SMARCB1: variants seen among roughly 807,000 people sequenced by gnomAD.
The protein encoded by SMARCB1 is SWI/SNF related BAF chromatin remodeling complex subunit B1, also known as SWI/SNF-related matrix-associated actin-dependent regulator of chromatin subfamily B member 1.
SMARCB1 carries 5 observed loss-of-function variants against 49.0 expected under a neutral mutation model. That is an observed-to-expected ratio of 0.10 (90% CI 0.05 to 0.21). SMARCB1 has a LOEUF of 0.21. SMARCB1 is among the 10% of genes least tolerant of loss of function. The pLI is 1.00. For missense variants in SMARCB1, 226 were observed against 509.2 expected, an observed-to-expected ratio of 0.44 and a Z score of 5.35; for synonymous variants, 201 against 200.1, an observed-to-expected ratio of 1.00 and a Z score of -0.04.
intron 5 of SMARCB1, 85 bp downstream of exon 5, chr22:23,803,507 T>A (rs2145983307): frequency 6.6e-7 from 1 of 1,514,668 alleles, no homozygotes; most frequent in Non-Finnish European, 9.1e-7. Flanking sequence ...CAGCTGCCTG[T>A]CAGGCAGATT....
At position 23,834,422 on chromosome 22, in the gene SMARCB1, A is replaced by C. The variant is rs2030868218; in HGVS notation, c.*242A>C. 4.5e-6 allele frequency: 3 copies of C among 673,142 alleles called. No individual in the cohort carries two copies. Among genetic ancestry groups the C allele is most frequent in the Non-Finnish European group, 8.0e-6 (3 of 376,142 alleles). The allele number at this position is 673,142 out of a possible 1,614,324, so 41.7% of individuals were successfully genotyped here. On this transcript the variant is annotated 3_prime_UTR_variant, in exon 9 of 9. Transcript: ENST00000644036. Reference sequence around the variant, plus strand: ...GTCTCTGGGGTCAGGAAGAAACCTTATTTTAGGTTGTGTTTTGTTTTTGTA... The same window carrying C: ...GTCTCTGGGGTCAGGAAGAAACCTTCTTTTAGGTTGTGTTTTGTTTTTGTA...
At chr22:23,793,476 C>T in intron 2 of SMARCB1, 83 bp from the exon 3 acceptor site, 1 of 1,449,066 alleles carries the variant, frequency 6.9e-7, no homozygotes, top group Non-Finnish European at 9.7e-7. Flanking sequence ...CATGCGAGGA[C>T]CTTGATGTGC....
At chr22:23,793,183 G>C (rs992698902) in intron 2 of SMARCB1, 13 of 353,474 alleles carry the variant, frequency 3.7e-5, no homozygotes, top group African/African-American at 2.8e-4. Context: ...TCCCACTGGG[G>C]TGTTACTCTG....
At chr22:23,805,589 TC>T (rs1929445030) in intron 5 of SMARCB1, among the ~76,000 whole-genome samples, 1 of 152,128 alleles carries the variant, frequency 6.6e-6, no homozygotes, top group African/African-American at 2.4e-5. Flanking sequence ...CACCACAACT[TC>T]CGCCTCCCAG....
At chr22:23,830,153 A>G (rs933203192) in intron 7 of SMARCB1, among the ~76,000 whole-genome samples, 9 of 152,074 alleles carry the variant, frequency 5.9e-5, no homozygotes, top group Non-Finnish European at 5.9e-5. Flanking sequence ...TCTGTTTTCA[A>G]TTTTCTTGGA....
At position 23,799,679 on chromosome 22, in the gene SMARCB1, A is replaced by ATTTTTTTTTTTTTTTTTTTTTT. The variant is rs71184912; in HGVS notation, c.363-1263_363-1242dup. ...AGGTTCCTGCCATCACACCTGGCTA[A>ATTTTTTTTTTTTTTTTTTTTTT]TTTTTTTTTTTTTTTTTTTTTTTGA... is the stretch of plus-strand genomic sequence containing the variant. On this transcript the variant is annotated intron_variant, in intron 3 of 8. Transcript: ENST00000644036. Among the ~76,000 whole-genome samples the ATTTTTTTTTTTTTTTTTTTTTT allele has an allele frequency of 1.0e-4, 7 of 68,414 alleles. 1 individual carries two copies. Among genetic ancestry groups the ATTTTTTTTTTTTTTTTTTTTTT allele is most frequent in the African/African-American group, 2.9e-4 (5 of 17,196 alleles). 44.9% of individuals were successfully genotyped at this position (68,414 alleles called of 152,430 possible).
chr22:23,795,581 G>A (rs1312625647), intron 3 of SMARCB1, among the ~76,000 whole-genome samples: 9 of 151,896 alleles, frequency 5.9e-5, no homozygotes, highest in African/African-American at 2.2e-4. Context: ...ACTTGGACCC[G>A]GGAGGCGGAG....
chr22:23,792,198 T>C (rs1928424016), intron 2 of SMARCB1: 3 of 405,800 alleles, frequency 7.4e-6, no homozygotes, highest in African/African-American at 4.1e-5. Flanking sequence ...TGCGATGCTC[T>C]GCCATCTGTC....
At chr22:23,793,785 T>TC in intron 3 of SMARCB1, 97 bp downstream of exon 3, 1 of 1,259,104 alleles carries the variant, frequency 7.9e-7, no homozygotes, top group Non-Finnish European at 1.1e-6. Context: ...GAAACACTTT[T>TC]TTTTTTTTTT....
chr22:23,820,297 G>A (rs995772094), intron 6 of SMARCB1, among the ~76,000 whole-genome samples: 1 of 152,124 alleles, frequency 6.6e-6, no homozygotes, highest in African/African-American at 2.4e-5. Context: ...GTAGATGGCC[G>A]GGTGCAGTGG....
intron 1 of SMARCB1, among the ~76,000 whole-genome samples, chr22:23,790,302 G>T (rs1928295860): frequency 6.6e-6 from 1 of 152,218 alleles, no homozygotes; most frequent in African/African-American, 2.4e-5. Context: ...AGAGGGGTCT[G>T]TGCCCTCTAT....
intron 5 of SMARCB1, among the ~76,000 whole-genome samples, chr22:23,813,090 C>G (rs1296167246): frequency 1.3e-5 from 2 of 152,170 alleles, no homozygotes; most frequent in Admixed American, 6.6e-5. Context: ...ATGTCTCGAA[C>G]TCCTGACCAT....
intron 1 of SMARCB1, among the ~76,000 whole-genome samples, chr22:23,788,047 T>C (rs575250050): frequency 6.6e-6 from 1 of 152,302 alleles, no homozygotes; most frequent in Admixed American, 6.5e-5. Flanking sequence ...TCTTGTTTTT[T>C]GTTTTTTATA....
At chr22:23,833,493 G>C (rs1007973305) in intron 7 of SMARCB1, 79 bp from the exon 8 acceptor site, 1 of 1,597,206 alleles carries the variant, frequency 6.3e-7, no homozygotes, top group African/African-American at 1.3e-5. Flanking sequence ...GCAGGGCACA[G>C]ACAGGGGCCA....
intron 6 of SMARCB1, 77 bp from the exon 7 acceptor site, chr22:23,825,148 G>A (rs954479313): frequency 1.8e-5 from 23 of 1,271,420 alleles, no homozygotes; most frequent in Non-Finnish European, 2.5e-5. Flanking sequence ...CCCACCCCAG[G>A]CCTGGCAGGG....
At chr22:23,815,478 G>A (rs1028655342) in intron 5 of SMARCB1, 2 of 152,202 alleles carry the variant, frequency 1.3e-5, no homozygotes, top group Non-Finnish European at 1.5e-5. Flanking sequence ...AGCTTGCAGT[G>A]AGCCGATATA....
chr22:23,816,415 T>G, intron 5 of SMARCB1: 1 of 452,118 alleles, frequency 2.2e-6, no homozygotes, highest in Admixed American at 3.4e-5. Context: ...CAGAGGGGAG[T>G]AGAGAGATGG....
intron 6 of SMARCB1, among the ~76,000 whole-genome samples, chr22:23,819,591 C>G: frequency 6.6e-6 from 1 of 152,136 alleles, no homozygotes. Flanking sequence ...GATCTGCCCA[C>G]CTCGGCCTCC....
chr22:23,804,817 A>T lies in SMARCB1; in HGVS notation c.628+1395A>T, dbSNP rs551167655. On this transcript the variant is annotated intron_variant, in intron 5 of 8. Transcript: ENST00000644036. The stretch of plus-strand genomic sequence containing the variant: ...TGGCCTCTCACACTGCTGGGATTAC[A>T]GGCGTGAGCCACTGCACCCAGCCTC... Among the ~76,000 whole-genome samples the T allele has an allele frequency of 7.9e-5, 12 of 152,378 alleles. No individual in the cohort carries two copies. In the South Asian group the frequency reaches 2.3e-3, roughly 29 times the overall value.
Sources: allele counts gnomAD v4.1 joint callset (sites outside exome capture counted in the v4.1 genomes callset), GRCh38; gene constraint gnomAD v4.1.1; transcripts MANE v1.5; gene names NCBI Gene and HGNC (gene_info 2026-07-23, HGNC 2026-07-21).